The following PCDH15 variants were observed in gnomAD, a reference collection of about 807,000 sequenced individuals.
The protein encoded by PCDH15 is protocadherin-15.
A neutral mutation model predicts 178.5 loss-of-function variants in PCDH15; 129 were observed. That is an observed-to-expected ratio of 0.72 (90% CI 0.63 to 0.84). PCDH15 has a LOEUF of 0.84. PCDH15 is among the 40% of genes least tolerant of loss of function. PCDH15 has a pLI of 0.00. For synonymous variants in PCDH15, 800 were observed against 732.0 expected (o/e 1.09, Z -1.50); for missense variants, 2,230 against 2,099.9 (o/e 1.06, Z -1.21).
At chr10:54,474,443 G>T (rs1473316941) in intron 3 of PCDH15, among the ~76,000 whole-genome samples, 1 of 151,854 alleles carries the variant, frequency 6.6e-6, no homozygotes, top group African/African-American at 2.4e-5. Context: ...GCTTCTTCCA[G>T]GTCATTAAGT....
chr10:55,267,724 T>G (rs186567859), intron 1 of PCDH15, among the ~76,000 whole-genome samples: 98 of 152,344 alleles, frequency 6.4e-4, no homozygotes, highest in South Asian at 6.0e-3. Flanking sequence ...CCTTCTTGTT[T>G]GGGCAAATAC....
At chr10:54,238,407 C>T (rs896046598) in intron 8 of PCDH15, among the ~76,000 whole-genome samples, 3 of 151,808 alleles carry the variant, frequency 2.0e-5, no homozygotes, top group Non-Finnish European at 2.9e-5. Context: ...ATAATTTAAA[C>T]ACCATAGACA....
intron 21 of PCDH15, among the ~76,000 whole-genome samples, chr10:53,977,574 C>A (rs1457893235): frequency 2.0e-5 from 3 of 152,154 alleles, no homozygotes; most frequent in Admixed American, 1.3e-4. Flanking sequence ...CACAGCCAAA[C>A]CACATCATTC....
chr10:54,009,692 G>T (rs2092509266), intron 20 of PCDH15, among the ~76,000 whole-genome samples: 1 of 152,158 alleles, frequency 6.6e-6, no homozygotes, highest in Non-Finnish European at 1.5e-5. Flanking sequence ...CCCACCCTGG[G>T]GTGGCACAGA....
chr10:54,441,455 G>C lies in PCDH15; in HGVS notation c.158-62513C>G, dbSNP rs139545347. On this transcript the variant is annotated intron_variant, in intron 3 of 37. Coordinates refer to ENST00000644397, the MANE Select transcript of PCDH15 (RefSeq NM_001384140.1). ...CTCTGGCCAGTGTTCTGGAGTTACT[G>C]ATCTGCAACTTTCTAATTGAACTCT... 2.9e-3 allele frequency among the ~76,000 whole-genome samples: 445 copies of C among 151,922 alleles called. 3 individuals are homozygous for C. Among genetic ancestry groups the C allele is most frequent in the African/African-American group, 0.011 (437 of 41,502 alleles).
At chr10:54,572,508 G>T (rs1409140177) in intron 2 of PCDH15, among the ~76,000 whole-genome samples, 1 of 152,110 alleles carries the variant, frequency 6.6e-6, no homozygotes, top group Non-Finnish European at 1.5e-5. Flanking sequence ...GAAAAGAGAG[G>T]ATTGAAAGAA....
intron 15 of PCDH15, among the ~76,000 whole-genome samples, chr10:54,114,058 C>T (rs956162035): frequency 2.0e-4 from 31 of 152,138 alleles, no homozygotes; most frequent in Non-Finnish European, 2.8e-4. Flanking sequence ...GCCACCTGGT[C>T]CCTCCCACAA....
chr10:55,521,291 C>G (rs1450127197), intron 2 of PCDH15, among the ~76,000 whole-genome samples: 1 of 152,008 alleles, frequency 6.6e-6, no homozygotes, highest in Admixed American at 6.6e-5. Flanking sequence ...ACTGAATATA[C>G]AGATGCTCCT....
chr10:55,465,484 T>C (rs1839813134), intron 2 of PCDH15, among the ~76,000 whole-genome samples: 2 of 152,136 alleles, frequency 1.3e-5, no homozygotes, highest in African/African-American at 2.4e-5. Flanking sequence ...GCTTTTAAAA[T>C]GTACCAATGC....
At chr10:55,439,122 C>A (rs1449068174) in intron 2 of PCDH15, among the ~76,000 whole-genome samples, 2 of 152,016 alleles carry the variant, frequency 1.3e-5, no homozygotes, top group Non-Finnish European at 2.9e-5. Context: ...CCAAGATGGT[C>A]TCGATCTCCT....
intron 3 of PCDH15, among the ~76,000 whole-genome samples, chr10:54,890,068 A>G (rs1591765275): frequency 6.6e-6 from 1 of 151,994 alleles, no homozygotes; most frequent in East Asian, 1.9e-4. Context: ...AATGTGCCCT[A>G]TATTCCCATA....
chr10:54,318,679 T>A (rs994654465), intron 7 of PCDH15, among the ~76,000 whole-genome samples: 1 of 152,202 alleles, frequency 6.6e-6, no homozygotes, highest in Admixed American at 6.6e-5. Context: ...CATTGACAAT[T>A]TTGAGCACTG....
intron 3 of PCDH15, among the ~76,000 whole-genome samples, chr10:54,505,017 C>G (rs1221527379): frequency 6.6e-6 from 1 of 152,032 alleles, no homozygotes; most frequent in Non-Finnish European, 1.5e-5. Context: ...GTTCTGAGAT[C>G]ACAGAAATGA....
chr10:54,395,084 T>C (rs1448952371), intron 3 of PCDH15, among the ~76,000 whole-genome samples: 3 of 152,164 alleles, frequency 2.0e-5, no homozygotes, highest in Non-Finnish European at 4.4e-5. Flanking sequence ...TACAGGGTCC[T>C]GAGGCTGTAA....
chr10:53,939,983 G>T (rs2085911528), intron 24 of PCDH15, among the ~76,000 whole-genome samples: 2 of 151,986 alleles, frequency 1.3e-5, no homozygotes, highest in Admixed American at 1.3e-4. Flanking sequence ...AGAAAGAAAG[G>T]CAATAAAAGT....
intron 1 of PCDH15, among the ~76,000 whole-genome samples, chr10:54,701,689 G>A (rs2095310618): frequency 1.3e-5 from 2 of 151,878 alleles, no homozygotes; most frequent in Non-Finnish European, 2.9e-5. Flanking sequence ...AAACACACAA[G>A]CAATTAAAAA....
chr10:54,683,019 A>G (rs546695124), intron 1 of PCDH15, among the ~76,000 whole-genome samples: 1 of 152,260 alleles, frequency 6.6e-6, no homozygotes, highest in South Asian at 2.1e-4. Context: ...TTATACATGC[A>G]GCCTCTGAAT....
chr10:55,439,079 A>G (rs902539069), intron 2 of PCDH15, among the ~76,000 whole-genome samples: 1 of 151,764 alleles, frequency 6.6e-6, no homozygotes, highest in Non-Finnish European at 1.5e-5. Context: ...TTGTTTTTGT[A>G]TTTTTAGTAG....
At chr10:54,688,553 A>G (rs1157134944) in intron 1 of PCDH15, among the ~76,000 whole-genome samples, 1 of 152,152 alleles carries the variant, frequency 6.6e-6, no homozygotes, top group Admixed American at 6.6e-5. Context: ...TACACTTTTG[A>G]AAAATACATA....
Sources: gnomAD v4.1 joint callset for allele counts (sites outside exome capture counted in the v4.1 genomes callset) on GRCh38, gnomAD v4.1.1 for gene constraint, MANE v1.5 for transcripts, NCBI Gene and HGNC (gene_info 2026-07-23, HGNC 2026-07-21) for gene names.